Variants in TNKS observed in about 807,000 individuals in gnomAD.
TNKS encodes tankyrase.
A neutral mutation model predicts 135.8 loss-of-function variants in TNKS; 72 were observed. That is an observed-to-expected ratio of 0.53 (90% confidence interval 0.44 to 0.64). The LOEUF (loss-of-function observed/expected upper bound fraction) is 0.64. Ranked by LOEUF, TNKS falls within the 30% of genes least tolerant of loss-of-function variation. The pLI is 0.00. For synonymous variants in TNKS, 849 were observed against 649.3 expected, an observed-to-expected ratio of 1.31 and a Z score of -4.68; for missense variants, 1,769 against 1,674.0, an observed-to-expected ratio of 1.06 and a Z score of -0.99.
At chr8:9,581,287 G>A (rs61242557) in intron 2 of TNKS, among the ~76,000 whole-genome samples, 10,317 of 152,014 alleles carry the variant, frequency 0.068, 454 homozygotes, top group African/African-American at 0.13. Flanking sequence ...TCAAATTATT[G>A]CAATGCCTGA....
intron 14 of TNKS, 102 bp downstream of exon 14, chr8:9,731,137 C>T: frequency 1.5e-6 from 2 of 1,298,528 alleles, no homozygotes; most frequent in Non-Finnish European, 1.0e-6. Flanking sequence ...AAAAAGTAAT[C>T]GTTATTTTTT....
intron 20 of TNKS, among the ~76,000 whole-genome samples, chr8:9,756,580 A>G (rs1017964418): frequency 6.6e-6 from 1 of 152,116 alleles, no homozygotes; most frequent in Non-Finnish European, 1.5e-5. Context: ...AAAATGTCTA[A>G]CAGCTGATAG....
Position 9,748,127 on chromosome 8 carries a change from C to T in TNKS, c.2747C>T (p.Thr916Met), listed in dbSNP as rs1036848566. 19 of 1,613,970 alleles carry T rather than the reference C, an allele frequency of 1.2e-5. No individual in the cohort carries two copies. The highest frequency in any genetic ancestry group is 3.3e-5 in the South Asian group (3 of 91,074). The change falls in exon 18 of 27, where the codon ACG (threonine) becomes ATG (methionine). Residue 916 changes from threonine (T) to methionine (M), a missense_variant. By Grantham distance (81) the Thr-to-Met change is moderately conservative. Transcript: ENST00000310430. ...CATGAAGCAGCCCAGAAAGGAAGGA[C>T]GCAGCTGTGCGCCCTCCTCCTAGCG... ...PLHEAAQKGR[T>M]QLCALLLAHG...
chr8:9,600,627 A>T (rs1030437702), intron 2 of TNKS, among the ~76,000 whole-genome samples: 6 of 152,168 alleles, frequency 3.9e-5, no homozygotes, highest in Admixed American at 2.6e-4. Context: ...ACTTTTTTTT[A>T]AAAAAGAAAT....
chr8:9,557,289 T>C (rs1298037913), intron 1 of TNKS: 1 of 152,164 alleles, frequency 6.6e-6, no homozygotes, highest in South Asian at 2.1e-4. Flanking sequence ...AGTTTTCTCA[T>C]GGGCAAAAAT....
intron 3 of TNKS, among the ~76,000 whole-genome samples, chr8:9,626,341 C>A (rs1165278815): frequency 6.6e-6 from 1 of 152,128 alleles, no homozygotes; most frequent in Admixed American, 6.5e-5. Flanking sequence ...CATTTTTTCT[C>A]ATCCATGCTG....
chr8:9,584,165 A>T (rs1348153178), intron 2 of TNKS, among the ~76,000 whole-genome samples: 17 of 69,406 alleles, frequency 2.4e-4, no homozygotes, highest in African/African-American at 5.9e-4. Context: ...CTCTGTCTTT[A>T]AAAAAAAAAA....
intron 3 of TNKS, among the ~76,000 whole-genome samples, chr8:9,668,715 G>A (rs1236776875): frequency 6.6e-6 from 1 of 152,140 alleles, no homozygotes; most frequent in African/African-American, 2.4e-5. Context: ...GCAAATGATT[G>A]GAGCTTAGAT....
chr8:9,603,909 A>G (rs1277877205), intron 2 of TNKS, among the ~76,000 whole-genome samples: 1 of 152,208 alleles, frequency 6.6e-6, no homozygotes, highest in Non-Finnish European at 1.5e-5. Context: ...TGAATGGTAG[A>G]AGTCAAAGAA....
At chr8:9,630,355 A>C (rs1419682968) in intron 3 of TNKS, among the ~76,000 whole-genome samples, 1 of 152,226 alleles carries the variant, frequency 6.6e-6, no homozygotes, top group Admixed American at 6.5e-5. Flanking sequence ...GCAGTATAAA[A>C]TGTACAAGAA....
At chr8:9,606,952 C>A (rs968369673) in intron 2 of TNKS, among the ~76,000 whole-genome samples, 6 of 152,118 alleles carry the variant, frequency 3.9e-5, no homozygotes, top group Non-Finnish European at 7.4e-5. Context: ...ATTGTCTCTT[C>A]TGCAGACCTT....
intron 2 of TNKS, among the ~76,000 whole-genome samples, chr8:9,602,976 G>C (rs184370020): frequency 6.6e-6 from 1 of 152,160 alleles, no homozygotes; most frequent in East Asian, 1.9e-4. Flanking sequence ...TGAGAAACTA[G>C]GTTTACATAC....
chr8:9,717,296 G>A (rs1308486117), intron 11 of TNKS, among the ~76,000 whole-genome samples: 1 of 151,320 alleles, frequency 6.6e-6, no homozygotes, highest in Non-Finnish European at 1.5e-5. Context: ...GTGTTCATTT[G>A]TCTCTTTCAT....
At chr8:9,702,180 G>C (rs979140552) in intron 5 of TNKS, among the ~76,000 whole-genome samples, 1 of 152,174 alleles carries the variant, frequency 6.6e-6, no homozygotes, top group Non-Finnish European at 1.5e-5. Flanking sequence ...TCCCTAGTGA[G>C]AGTAATAGGA....
At chr8:9,578,660 TC>T (rs1010526237) in intron 1 of TNKS, among the ~76,000 whole-genome samples, 10 of 152,340 alleles carry the variant, frequency 6.6e-5, no homozygotes, top group African/African-American at 2.4e-4. Context: ...CTTACTCTTT[TC>T]CACATGGTTT....
chr8:9,615,699 G>C, intron 3 of TNKS, 22 bp downstream of exon 3: 1 of 1,568,618 alleles, frequency 6.4e-7, no homozygotes, highest in South Asian at 1.1e-5. Flanking sequence ...GAGAGCTACC[G>C]AATGATTATA....
intron 11 of TNKS, among the ~76,000 whole-genome samples, chr8:9,715,070 C>T (rs1230673791): frequency 6.6e-6 from 1 of 152,066 alleles, no homozygotes; most frequent in Non-Finnish European, 1.5e-5. Flanking sequence ...AGTTCTATCA[C>T]AGTGTCTACA....
chr8:9,672,472 T>G (rs566527848), intron 3 of TNKS, among the ~76,000 whole-genome samples: 1 of 152,188 alleles, frequency 6.6e-6, no homozygotes, highest in South Asian at 2.1e-4. Context: ...TGCTGCCATC[T>G]GAGTTTTTAG....
intron 3 of TNKS, among the ~76,000 whole-genome samples, chr8:9,655,304 C>G (rs1358635770): frequency 6.6e-6 from 1 of 152,212 alleles, no homozygotes; most frequent in Non-Finnish European, 1.5e-5. Context: ...TCTGTAGGCT[C>G]CACCTCTGGG....
Sources: allele counts gnomAD v4.1 joint callset (sites outside exome capture counted in the v4.1 genomes callset), GRCh38; gene constraint gnomAD v4.1.1; transcripts MANE v1.5; gene names NCBI Gene and HGNC (gene_info 2026-07-23, HGNC 2026-07-21).